The following CPLANE2 variants were observed in gnomAD, a reference collection of about 807,000 sequenced individuals.
CPLANE2 encodes ciliogenesis and planar polarity effector 2.
CPLANE2 carries 24 observed loss-of-function variants against 20.9 expected under a neutral mutation model. The ratio of observed to expected loss-of-function variants is 1.15; its 90% CI spans 0.83 to 1.61. CPLANE2 has a LOEUF of 1.61. Ranked by LOEUF, CPLANE2 falls within the 40% of genes most tolerant of loss-of-function variation. CPLANE2 has a pLI of 0.00. For missense variants in CPLANE2, 330 were observed against 355.1 expected (o/e 0.93, Z 0.57); for synonymous variants, 132 against 144.3 (o/e 0.92, Z 0.61).
intron 2 of CPLANE2, 78 bp downstream of exon 2, chr1:16,233,534 G>A (rs1291792583): frequency 2.0e-6 from 3 of 1,530,544 alleles, no homozygotes; most frequent in Non-Finnish European, 2.7e-6. Flanking sequence ...AGAGTAAGAG[G>A]TGGTCCAGGG....
intron 1 of CPLANE2, among the ~76,000 whole-genome samples, chr1:16,234,140 C>T (rs1317256398): frequency 2.0e-5 from 3 of 152,244 alleles, no homozygotes; most frequent in Admixed American, 2.0e-4. Context: ...TGGCTTACAC[C>T]TGTAATCCCA....
At position 16,232,642 on chromosome 1, in the gene CPLANE2, C is replaced by A. The variant is rs200973333; in HGVS notation, c.395G>T (p.Cys132Phe). The change falls in exon 4 of 5, where the codon TGC (cysteine) becomes TTC (phenylalanine). Residue 132 changes from cysteine (C) to phenylalanine (F), a missense_variant. Physicochemically the swap from Cys to Phe is radical, Grantham distance 205 (BLOSUM62 -2). Coordinates refer to ENST00000375599, the MANE Select transcript of CPLANE2 (RefSeq NM_030907.4). ...GAGGAAGGCATCTGTGTTCTCCATG[C>A]AAGCCTGGTGATGGAGAGGCATATA... ...LKKFDHMLLA[C>F]MENTDAFLFL... 2.5e-6 allele frequency: 4 copies of A among 1,613,996 alleles called. No individual in the cohort carries two copies. The African/African-American group carries it at 5.3e-5, about 22-fold the overall frequency.
At position 16,236,529 on chromosome 1, in the gene CPLANE2, C is replaced by T. The variant is rs183064699; in HGVS notation, c.112+102G>A. The stretch of plus-strand genomic sequence containing the variant: ...GCTGAAGACTGCAGTGGAGCAGGCC[C>T]TCACTGCCCTGCCTCTCTGCTCTCC... On this transcript the variant is annotated intron_variant, in intron 1 of 4. Transcript: ENST00000375599. 73 of 903,326 alleles carry T rather than the reference C, an allele frequency of 8.1e-5. No individual in the cohort carries two copies. In the African/African-American group the frequency reaches 1.1e-3, roughly 14 times the overall value. 56.0% of individuals were successfully genotyped at this position (903,326 alleles called of 1,614,324 possible).
intron 1 of CPLANE2, 129 bp from the exon 2 acceptor site, chr1:16,233,893 T>A: frequency 1.0e-6 from 1 of 952,512 alleles, no homozygotes; most frequent in Non-Finnish European, 1.6e-6. Context: ...CACAAGGTGA[T>A]CAGCTGCCCT....
At chr1:16,235,994 G>A (rs1247335937) in intron 1 of CPLANE2, among the ~76,000 whole-genome samples, 1 of 151,982 alleles carries the variant, frequency 6.6e-6, no homozygotes, top group South Asian at 2.1e-4. Flanking sequence ...GTCATTTTTT[G>A]AATTTAATAT....
intron 2 of CPLANE2, 115 bp from the exon 3 acceptor site, chr1:16,233,132 T>C: frequency 8.4e-7 from 1 of 1,184,436 alleles, no homozygotes; most frequent in Non-Finnish European, 1.2e-6. Flanking sequence ...GGTCCCTAGT[T>C]TGATGAGGGA....
Position 16,236,871 on chromosome 1 carries a change from G to A in CPLANE2, c.-129C>T, listed in dbSNP as rs1217955014. 4.4e-6 allele frequency: 3 copies of A among 687,764 alleles called. No homozygotes were observed. The East Asian group carries it at 8.2e-5, about 19-fold the overall frequency. 42.6% of individuals were successfully genotyped at this position (687,764 alleles called of 1,614,324 possible). On this transcript the variant is annotated 5_prime_UTR_variant, in exon 1 of 5. Coordinates refer to ENST00000375599, the MANE Select transcript of CPLANE2 (RefSeq NM_030907.4). ...CCTCTGACTCTCCCGGGGGGCCCCA[G>A]AAAGTGCAGTCCCTCAGCCGCCTCT...
rs751458178 is a variant in CPLANE2, at chr1:16,232,510, T to G, written c.527A>C (p.Lys176Thr). 1 of 1,613,694 alleles carries G rather than the reference T, an allele frequency of 6.2e-7. No individual in the cohort carries two copies. Among genetic ancestry groups the G allele is most frequent in the African/African-American group, 1.3e-5 (1 of 75,042 alleles). ...PGVVRMVIGSKFDQYMHTDVP... is the reference protein window; with the variant it reads ...PGVVRMVIGSTFDQYMHTDVP... The stretch of plus-strand genomic sequence containing the variant: ...CTTGCCAAGGATATCCAAAGGATAC[T>G]TGGAGCCGATGACCATCCTGACGAC... Residue 176 changes from lysine to threonine, a missense_variant and splice_region_variant, in exon 4 of 5, where the codon AAA (lysine) becomes ACA (threonine). Coordinates refer to ENST00000375599, the MANE Select transcript of CPLANE2 (RefSeq NM_030907.4).
chr1:16,235,361 A>G (rs1442553853), intron 1 of CPLANE2, among the ~76,000 whole-genome samples: 2 of 152,172 alleles, frequency 1.3e-5, no homozygotes, highest in East Asian at 1.9e-4. Flanking sequence ...CCTTCACTCA[A>G]TTCTCTTCCA....
At chr1:16,235,797 C>T (rs986532875) in intron 1 of CPLANE2, among the ~76,000 whole-genome samples, 3 of 150,912 alleles carry the variant, frequency 2.0e-5, no homozygotes, top group Non-Finnish European at 2.9e-5. Context: ...TCTCCTGCCT[C>T]AGCCTCCCAA....
At chr1:16,233,167 T>C in intron 2 of CPLANE2, 150 bp from the exon 3 acceptor site, 1 of 885,396 alleles carries the variant, frequency 1.1e-6, no homozygotes, top group Non-Finnish European at 1.7e-6. Flanking sequence ...CCCGGGATAA[T>C]TCTCAGTCTG....
At position 16,233,635 on chromosome 1, in the gene CPLANE2, G is replaced by A. The variant is rs2081442282; in HGVS notation, c.242C>T (p.Pro81Leu). ...LVAKLAGLEV[P>L]VVHHETTGIQ... Reference sequence around the variant, plus strand: ...ACCGGTGGTCTCGTGGTGCACCACAGGCACCTCCAGGCCAGCCAGCTTGGC... The same window carrying A: ...ACCGGTGGTCTCGTGGTGCACCACAAGCACCTCCAGGCCAGCCAGCTTGGC... Residue 81 changes from proline to leucine, a missense_variant, in exon 2 of 5, where the codon CCT becomes CTT. Physicochemically the swap from Pro to Leu is moderately conservative, Grantham distance 98 (BLOSUM62 -3). Coordinates refer to ENST00000375599, the MANE Select transcript of CPLANE2 (RefSeq NM_030907.4). 1.9e-6 allele frequency: 3 copies of A among 1,614,098 alleles called. No individual in the cohort carries two copies. In the East Asian group the frequency reaches 6.7e-5, roughly 36 times the overall value.
intron 1 of CPLANE2, 98 bp from the exon 2 acceptor site, chr1:16,233,862 G>C: frequency 1.5e-6 from 2 of 1,299,004 alleles, no homozygotes; most frequent in East Asian, 2.4e-5. Context: ...CAATGCACCA[G>C]TGTTAGGAAG....
rs181771121 is a variant in CPLANE2, at chr1:16,232,755, C to A, written c.391-109G>T. 1.5e-5 allele frequency: 24 copies of A among 1,565,546 alleles called. No homozygotes were observed. In the African/African-American group the frequency reaches 2.8e-4, roughly 19 times the overall value. On this transcript the variant is annotated intron_variant, in intron 3 of 4. Transcript: ENST00000375599. ...CAGATTGGGAAACTGAGGCCCAGAG[C>A]AAGGAGCGGCTGGTCCTAGGACAAG...
Position 16,233,743 on chromosome 1 carries a change from AG to A in CPLANE2, c.133del (p.Leu45CysfsTer117), listed in dbSNP as rs780744263. 2 of 1,614,118 alleles carry A rather than the reference AG, an allele frequency of 1.2e-6. No individual in the cohort carries two copies. The highest frequency in any genetic ancestry group is 2.7e-5 in the African/African-American group (2 of 75,068). On this transcript the variant is annotated frameshift_variant, in exon 2 of 5. Transcript: ENST00000375599. LOFTEE classifies it high-confidence loss of function. ...AGTGTCAATGGACACAGGCGGCAGC[AG>A]CACTGGCCGCTCAAGCAGCCCTAGG... Reference protein sequence around the residue: ...RVFGLLERPVLLPPVSIDTAS... With the variant: ...RVFGLLERPVXLPPVSIDTAS...
rs953874813 is a variant in CPLANE2 at position 16,235,783 on chromosome 1, C to A, written c.112+848G>T. Among the ~76,000 whole-genome samples, 7 of 148,912 alleles carry A rather than the reference C, an allele frequency of 4.7e-5. No individual in the cohort carries two copies. In the East Asian group the frequency reaches 1.4e-3, roughly 29 times the overall value. ...GCAACCTCTGCCTTCTGTGTTCAAGCGATTCTCCTGCCTCAGCCTCCCAAG... is the reference window on the plus strand; with the variant it reads ...GCAACCTCTGCCTTCTGTGTTCAAGAGATTCTCCTGCCTCAGCCTCCCAAG... On this transcript the variant is annotated intron_variant, in intron 1 of 4. Coordinates refer to ENST00000375599, the MANE Select transcript of CPLANE2 (RefSeq NM_030907.4).
rs757589996 is a variant in CPLANE2, at chr1:16,232,042, C to G, written c.*6G>C. 1.9e-6 allele frequency: 3 copies of G among 1,610,908 alleles called. No individual in the cohort carries two copies. Among genetic ancestry groups the G allele is most frequent in the Non-Finnish European group, 2.5e-6 (3 of 1,178,568 alleles). ...GGGGGTGGGATCACAGGCAACCACT[C>G]GTGACTCATTCAGGAGCACTCTCTG... On this transcript the variant is annotated 3_prime_UTR_variant, in exon 5 of 5. Coordinates refer to ENST00000375599, the MANE Select transcript of CPLANE2 (RefSeq NM_030907.4).
chr1:16,234,814 G>A (rs1229411362), intron 1 of CPLANE2, among the ~76,000 whole-genome samples: 1 of 151,960 alleles, frequency 6.6e-6, no homozygotes, highest in Non-Finnish European at 1.5e-5. Context: ...TGCAACTTCC[G>A]CCTCCCGGGT....
intron 1 of CPLANE2, among the ~76,000 whole-genome samples, chr1:16,235,485 A>C (rs932395374): frequency 2.0e-5 from 3 of 152,072 alleles, no homozygotes; most frequent in Non-Finnish European, 4.4e-5. Flanking sequence ...TAATTTCCCC[A>C]GTAACTCTAT....
Sources: gnomAD v4.1 joint callset for allele counts (sites outside exome capture counted in the v4.1 genomes callset) on GRCh38, gnomAD v4.1.1 for gene constraint, MANE v1.5 for transcripts, NCBI Gene and HGNC (gene_info 2026-07-23, HGNC 2026-07-21) for gene names.